Variants in N4BP2 observed in about 807,000 individuals in gnomAD.
N4BP2 encodes NEDD4 binding protein 2, also known as NEDD4-binding protein 2.
In N4BP2, 91 loss-of-function variants were observed where a neutral mutation model predicts 152.8. The ratio of observed to expected loss-of-function variants is 0.60; its 90% CI spans 0.50 to 0.71. The LOEUF is 0.71. N4BP2 is among the 30% of genes least tolerant of loss of function. The pLI, the probability that N4BP2 is intolerant of heterozygous loss-of-function variation, is 0.00. For missense variants in N4BP2, 1,923 were observed against 2,059.1 expected (o/e 0.93, Z 1.28); for synonymous variants, 646 against 705.3 (o/e 0.92, Z 1.33).
At chr4:40,084,786 T>C (rs112818338) in intron 2 of N4BP2, among the ~76,000 whole-genome samples, 258 of 147,448 alleles carry the variant, frequency 1.7e-3, no homozygotes, top group African/African-American at 6.1e-3. Context: ...CAGCTAATTT[T>C]GTATTTTTGG....
intron 2 of N4BP2, chr4:40,077,817 A>G (rs1712911804): frequency 6.6e-6 from 1 of 152,194 alleles, no homozygotes; most frequent in South Asian, 2.1e-4. Flanking sequence ...ACCGAGGTAA[A>G]TTATTCAAAC....
At chr4:40,128,952 TC>T (rs1718665072) in intron 12 of N4BP2, among the ~76,000 whole-genome samples, 2 of 152,242 alleles carry the variant, frequency 1.3e-5, no homozygotes, top group African/African-American at 4.8e-5. Flanking sequence ...AGTTCTACCC[TC>T]CCTTTAATAT....
chr4:40,080,037 C>G (rs1365311698), intron 2 of N4BP2, among the ~76,000 whole-genome samples: 2 of 152,066 alleles, frequency 1.3e-5, no homozygotes, highest in African/African-American at 4.8e-5. Context: ...AGTCCATTCA[C>G]ATTTCTCCAT....
the N4BP2 span, among the ~76,000 whole-genome samples, chr4:40,173,642 C>T: frequency 6.6e-6 from 1 of 152,120 alleles, no homozygotes; most frequent in African/African-American, 2.4e-5. Flanking sequence ...GTAAAGTGAG[C>T]CTGAAAACAG....
intron 1 of N4BP2, among the ~76,000 whole-genome samples, chr4:40,072,578 A>G (rs1712314575): frequency 6.6e-6 from 1 of 151,370 alleles, no homozygotes; most frequent in Admixed American, 6.6e-5. Context: ...AGTAGAGATG[A>G]GGTTTCATCA....
At position 40,120,875 on chromosome 4, in the gene N4BP2, T is replaced by A; in HGVS notation, c.2764T>A (p.Ser922Thr). ...AACAAATGACAAAATGAATGAAATA[T>A]CCTTATCTACAGCACATGAGGCCTG... ...IGTNDKMNEI[S>T]LSTAHEACWG... The change falls in exon 9 of 18, where the codon TCC (serine) becomes ACC (threonine). Residue 922 changes from serine (S) to threonine (T), a missense_variant. Coordinates refer to ENST00000261435, the MANE Select transcript of N4BP2 (RefSeq NM_018177.6). 6.2e-7 allele frequency: 1 copy of A among 1,614,024 alleles called. No individual in the cohort carries two copies. Among genetic ancestry groups the A allele is most frequent in the Non-Finnish European group, 8.5e-7 (1 of 1,179,990 alleles).
chr4:40,154,246 TC>T lies in N4BP2; in HGVS notation c.*11del. ...AAGTCATGCTAAAGTAAAATAAACA[TC>T]CTTGAATTAGAAGTATGAAGGTTTG... On this transcript the variant is annotated 3_prime_UTR_variant, in exon 18 of 18. Coordinates refer to ENST00000261435, the MANE Select transcript of N4BP2 (RefSeq NM_018177.6). 1 of 1,580,522 alleles carries T rather than the reference TC, an allele frequency of 6.3e-7. No individual in the cohort carries two copies. The highest frequency in any genetic ancestry group is 8.6e-7 in the Non-Finnish European group (1 of 1,157,786).
intron 5 of N4BP2, 89 bp downstream of exon 5, chr4:40,107,113 T>TTG: frequency 7.0e-7 from 1 of 1,427,710 alleles, no homozygotes; most frequent in Non-Finnish European, 9.7e-7. Context: ...TTGTTTTTGT[T>TTG]TTTTGAGACA....
At chr4:40,154,160 T>A (rs1721412174) in intron 17 of N4BP2, 32 bp from the exon 18 acceptor site, 2 of 1,532,314 alleles carry the variant, frequency 1.3e-6, no homozygotes, top group African/African-American at 1.4e-5. Context: ...GAAATTTTCA[T>A]CTTTAAAATA....
At position 40,120,463 on chromosome 4, in the gene N4BP2, A is replaced by G. The variant is rs776897400; in HGVS notation, c.2352A>G (p.Leu784=). The G allele has an allele frequency of 1.2e-6, 2 of 1,613,870 alleles. No homozygotes were observed. Among genetic ancestry groups the G allele is most frequent in the Non-Finnish European group, 1.7e-6 (2 of 1,180,008 alleles). ...STLEKFPRHE[L]SNFVGDWPVD... Reference sequence around the variant, plus strand: ...TGGAAAAGTTCCCAAGACATGAGCTATCAAATTTTGTTGGTGACTGGCCAG... The same window carrying G: ...TGGAAAAGTTCCCAAGACATGAGCTGTCAAATTTTGTTGGTGACTGGCCAG... Residue 784 remains leucine, a synonymous_variant, in exon 9 of 18, where the codon CTA becomes CTG. Transcript: ENST00000261435.
At chr4:40,084,505 A>T (rs1164091213) in intron 2 of N4BP2, among the ~76,000 whole-genome samples, 1 of 147,402 alleles carries the variant, frequency 6.8e-6, no homozygotes, top group Non-Finnish European at 1.5e-5. Flanking sequence ...GCACAATCTC[A>T]GCTCACTGCA....
At chr4:40,075,870 A>G (rs1219871685) in intron 2 of N4BP2, among the ~76,000 whole-genome samples, 1 of 152,152 alleles carries the variant, frequency 6.6e-6, no homozygotes, top group African/African-American at 2.4e-5. Flanking sequence ...TTTGTTGCCC[A>G]GGCTGGAGTG....
At chr4:40,126,363 T>C (rs772699868) in intron 12 of N4BP2, 33 bp downstream of exon 12, 1 of 1,100,896 alleles carries the variant, frequency 9.1e-7, no homozygotes, top group Non-Finnish European at 1.3e-6. Context: ...AGCTACTGTC[T>C]CTGATTCTGG....
rs765479012 is a variant in N4BP2 at position 40,143,901 on chromosome 4, A to T, written c.4975-731A>T. On this transcript the variant is annotated intron_variant, in intron 15 of 17. Transcript: ENST00000261435. ...AATTTATTAGGGGGAATTGGCTCTC[A>T]CAGTCATAGAGGTGGAGAAGTCCCA... Among the ~76,000 whole-genome samples, 244 of 152,246 alleles carry T rather than the reference A, an allele frequency of 1.6e-3. 1 individual carries two copies. The highest frequency in any genetic ancestry group is 2.6e-3 in the Non-Finnish European group (180 of 68,016).
At chr4:40,064,348 C>G (rs1733876091) in intron 1 of N4BP2, among the ~76,000 whole-genome samples, 1 of 152,038 alleles carries the variant, frequency 6.6e-6, no homozygotes, top group Non-Finnish European at 1.5e-5. Context: ...GATCTTGACT[C>G]ACTGCAACCT....
chr4:40,150,676 GAA>G (rs10675156), intron 16 of N4BP2, among the ~76,000 whole-genome samples: 1 of 146,324 alleles, frequency 6.8e-6, no homozygotes, highest in African/African-American at 2.5e-5. Flanking sequence ...GTCTCAGGGG[GAA>G]AAAAAAAAAA....
intron 2 of N4BP2, among the ~76,000 whole-genome samples, chr4:40,087,085 C>T (rs567045193): frequency 5.1e-4 from 78 of 152,110 alleles, no homozygotes; most frequent in African/African-American, 1.8e-3. Context: ...TAGTATAATT[C>T]CATGTGCACT....
Position 40,121,495 on chromosome 4 carries a change from T to C in N4BP2, c.3384T>C (p.Ser1128=), listed in dbSNP as rs775765132. Residue 1128 remains serine, a synonymous_variant, in exon 9 of 18, where the codon TCT becomes TCC. Transcript: ENST00000261435. ...GGGCCACAAGCCTTTTGTTGGATTC[T>C]GAAACTAAGTTATGTGAGGATACAG... ...IIWATSLLLD[S]ETKLCEDTEF... 1.9e-6 allele frequency: 3 copies of C among 1,614,078 alleles called. No individual in the cohort carries two copies. The African/African-American group carries it at 4.0e-5, about 22-fold the overall frequency.
the N4BP2 span, among the ~76,000 whole-genome samples, chr4:40,168,979 G>T: frequency 6.6e-6 from 1 of 152,002 alleles, no homozygotes; most frequent in African/African-American, 2.4e-5. Context: ...GCCCACCTCT[G>T]CCTCCCAAAG....
Sources: gnomAD v4.1 joint callset for allele counts (sites outside exome capture counted in the v4.1 genomes callset) on GRCh38, gnomAD v4.1.1 for gene constraint, MANE v1.5 for transcripts, NCBI Gene and HGNC (gene_info 2026-07-23, HGNC 2026-07-21) for gene names.